Variants in CFAP251 observed in about 807,000 individuals in gnomAD.
The protein encoded by CFAP251 is cilia- and flagella-associated protein 251.
Under a neutral mutation model 126.7 loss-of-function variants are expected in CFAP251, and 93 were observed. The ratio of observed to expected loss-of-function variants is 0.73; its 90% CI spans 0.62 to 0.87. CFAP251 has a LOEUF of 0.87. CFAP251 is among the 40% of genes least tolerant of loss of function. The pLI, the probability that CFAP251 is intolerant of heterozygous loss-of-function variation, is 0.00. For missense variants in CFAP251, 1,287 were observed against 1,389.2 expected, an observed-to-expected ratio of 0.93 and a Z score of 1.17; for synonymous variants, 503 against 506.9, an observed-to-expected ratio of 0.99 and a Z score of 0.10.
chr12:121,924,180 G>T (rs1880308919), intron 3 of CFAP251, among the ~76,000 whole-genome samples, 190 bp downstream of exon 3: 1 of 152,060 alleles, frequency 6.6e-6, no homozygotes, highest in Admixed American at 6.6e-5. Context: ...CACGATCTTG[G>T]CTCACTGCAG....
rs1881651644 is a variant in CFAP251, at chr12:121,954,636, T to TATAAAA, written c.1535+303_1535+304insTAAAAA. 4.8e-5 allele frequency among the ~76,000 whole-genome samples: 2 copies of TATAAAA among 41,980 alleles called. 1 individual carries two copies. Among genetic ancestry groups the TATAAAA allele is most frequent in the Non-Finnish European group, 8.0e-5 (2 of 25,042 alleles). 27.5% of individuals were successfully genotyped at this position (41,980 alleles called of 152,430 possible). On this transcript the variant is annotated intron_variant, in intron 10 of 21. Coordinates refer to ENST00000288912, the MANE Select transcript of CFAP251 (RefSeq NM_144668.6). The stretch of plus-strand genomic sequence containing the variant: ...GTGTTAGAGTGAGACCCTCCTGTCT[T>TATAAAA]AAAAAAAAAAAAAAAAAAAAAAAAA...
chr12:121,958,845 T>C, intron 12 of CFAP251, 98 bp from the exon 13 acceptor site: 1 of 1,382,120 alleles, frequency 7.2e-7, no homozygotes, highest in Admixed American at 2.4e-5. Flanking sequence ...TTGTGTTAGT[T>C]GCTGTCTTCT....
chr12:121,966,979 T>C lies in CFAP251; in HGVS notation c.2517T>C (p.Tyr839=), dbSNP rs1209323576. Residue 839 remains tyrosine (Y), a synonymous_variant, in exon 16 of 22, where the codon TAT becomes TAC. Coordinates refer to ENST00000288912, the MANE Select transcript of CFAP251 (RefSeq NM_144668.6). ...GAAAGACGCTTCTGGGGCCAGCTTA[T>C]GGTTCCCCTATTGAGCAGACACAAG... is the stretch of plus-strand genomic sequence containing the variant. ...MCRKTLLGPA[Y]GSPIEQTQVL... is the part of the protein sequence containing the mutation. 1 of 1,614,214 alleles carries C rather than the reference T, an allele frequency of 6.2e-7. No homozygotes were observed. The highest frequency in any genetic ancestry group is 8.5e-7 in the Non-Finnish European group (1 of 1,180,032).
intron 5 of CFAP251, among the ~76,000 whole-genome samples, chr12:121,939,250 T>C (rs1316664956): frequency 6.6e-6 from 1 of 152,132 alleles, no homozygotes; most frequent in Non-Finnish European, 1.5e-5. Flanking sequence ...AATCAACTTA[T>C]GCTACAGGGG....
At chr12:121,967,951 C>T in intron 16 of CFAP251, 55 bp from the exon 17 acceptor site, 1 of 1,521,546 alleles carries the variant, frequency 6.6e-7, no homozygotes, top group Non-Finnish European at 9.0e-7. Flanking sequence ...CGTGCCAGGC[C>T]TCTCTCGGGC....
intron 19 of CFAP251, among the ~76,000 whole-genome samples, chr12:121,979,227 T>G (rs1458102951): frequency 1.3e-5 from 2 of 152,222 alleles, no homozygotes; most frequent in African/African-American, 2.4e-5. Context: ...TGTAAGCTCC[T>G]CTAAAGGTCT....
chr12:121,966,427 A>ATTTTTTT (rs1159106051), intron 15 of CFAP251, among the ~76,000 whole-genome samples: 2 of 54,706 alleles, frequency 3.7e-5, no homozygotes, highest in Non-Finnish European at 3.6e-5. Flanking sequence ...TGCCTGGCTA[A>ATTTTTTT]TTTTTTTTTT....
intron 7 of CFAP251, among the ~76,000 whole-genome samples, chr12:121,943,970 A>C (rs986315816): frequency 1.3e-5 from 2 of 152,302 alleles, no homozygotes; most frequent in South Asian, 2.1e-4. Context: ...TGTGCTCTTA[A>C]CTACTTCAAA....
chr12:121,922,941 C>T (rs1010007636), intron 2 of CFAP251, among the ~76,000 whole-genome samples: 29 of 152,118 alleles, frequency 1.9e-4, no homozygotes, highest in African/African-American at 6.8e-4. Context: ...AGGCGCCCGC[C>T]ACCACGCCCA....
chr12:121,962,973 C>G (rs943295532), intron 15 of CFAP251, among the ~76,000 whole-genome samples: 5 of 152,146 alleles, frequency 3.3e-5, no homozygotes, highest in Non-Finnish European at 5.9e-5. Context: ...GTCAGAGGTA[C>G]GGGCTGGTGC....
intron 17 of CFAP251, among the ~76,000 whole-genome samples, chr12:121,972,329 G>T (rs1272165566): frequency 1.3e-5 from 2 of 152,216 alleles, no homozygotes; most frequent in Non-Finnish European, 2.9e-5. Context: ...TAAGGTTCAG[G>T]CTGAGGTGGT....
At chr12:121,937,162 G>A (rs560912752) in intron 5 of CFAP251, among the ~76,000 whole-genome samples, 4 of 152,324 alleles carry the variant, frequency 2.6e-5, no homozygotes, top group South Asian at 2.1e-4. Flanking sequence ...CCAAGGTGTC[G>A]GCAGGGTTGG....
chr12:121,922,129 CAG>C (rs1403153684), intron 2 of CFAP251, among the ~76,000 whole-genome samples: 3 of 124,936 alleles, frequency 2.4e-5, no homozygotes, highest in African/African-American at 9.2e-5. Flanking sequence ...TTTTTTGAGA[CAG>C]AGTTTCACTC....
rs1214697264 is a variant in CFAP251 at position 121,975,530 on chromosome 12, A to T, written c.2863-12A>T. ...TAAATGTGTGTTGTGTTTCCGTTGT[A>T]TTCCTACATAGGAGCTAGAAGACTA... On this transcript the variant is annotated splice_polypyrimidine_tract_variant and intron_variant, in intron 18 of 21. Transcript: ENST00000288912. 1 of 1,607,816 alleles carries T rather than the reference A, an allele frequency of 6.2e-7. No homozygotes were observed. Among genetic ancestry groups the T allele is most frequent in the South Asian group, 1.1e-5 (1 of 89,468 alleles).
chr12:121,990,152 G>A (rs1004692805), intron 19 of CFAP251, among the ~76,000 whole-genome samples: 1 of 152,160 alleles, frequency 6.6e-6, no homozygotes, highest in African/African-American at 2.4e-5. Context: ...CCTTCAACAT[G>A]AGCTGATTCA....
rs1882836901 is a variant in CFAP251 at position 121,989,801 on chromosome 12, T to G, written c.3007-9915T>G. On this transcript the variant is annotated intron_variant, in intron 19 of 21. Coordinates refer to ENST00000288912, the MANE Select transcript of CFAP251 (RefSeq NM_144668.6). This position sits in a 1 kb window ranked among gnomAD's most constrained non-coding sequence, Gnocchi z 4.2. Reference sequence around the variant, plus strand: ...CCTGCCCCCACCAGGAGCCTGCTTATAAAAACAAGGAATGGCCCCAGTTCA... The same window carrying G: ...CCTGCCCCCACCAGGAGCCTGCTTAGAAAAACAAGGAATGGCCCCAGTTCA... 6.6e-6 allele frequency among the ~76,000 whole-genome samples: 1 copy of G among 152,146 alleles called. No individual in the cohort carries two copies. Among genetic ancestry groups the G allele is most frequent in the Non-Finnish European group, 1.5e-5 (1 of 68,024 alleles).
chr12:121,930,235 T>A (rs1039758364), intron 3 of CFAP251, among the ~76,000 whole-genome samples: 1 of 152,172 alleles, frequency 6.6e-6, no homozygotes, highest in African/African-American at 2.4e-5. Context: ...ACTGCTGTAA[T>A]TCCAGCACTT....
chr12:121,928,625 T>TGTATATATATATATATATATAC (rs1880512300), intron 3 of CFAP251, among the ~76,000 whole-genome samples: 5 of 35,258 alleles, frequency 1.4e-4, no homozygotes, highest in African/African-American at 1.2e-3. Flanking sequence ...TATGTATATG[T>TGTATATATATATATATATATAC]GTATATATAT....
Position 121,954,317 on chromosome 12 carries a change from A to G in CFAP251, c.1518A>G (p.Val506=), listed in dbSNP as rs748136994. The change falls in exon 10 of 22, where the codon GTA becomes GTG. Residue 506 remains valine, a synonymous_variant. Transcript: ENST00000288912. ...ATTTGCAGAAAGAGGGTATCACGGTACTTACCACAATTGATAGGTAATTTT... is the reference window on the plus strand; with the variant it reads ...ATTTGCAGAAAGAGGGTATCACGGTGCTTACCACAATTGATAGGTAATTTT... ...LVHLQKEGIT[V]LTTIDSYIVT... 6.8e-6 allele frequency: 11 copies of G among 1,612,360 alleles called. No homozygotes were observed. The Middle Eastern group carries it at 5.0e-4, about 73-fold the overall frequency.
Sources: gnomAD v4.1 joint callset for allele counts (sites outside exome capture counted in the v4.1 genomes callset) on GRCh38, gnomAD v4.1.1 for gene constraint, Gnocchi (gnomAD v3.1) non-coding constraint, MANE v1.5 for transcripts, NCBI Gene and HGNC (gene_info 2026-07-23, HGNC 2026-07-21) for gene names.